SEPTIN14: variants seen among roughly 807,000 people sequenced by gnomAD.
SEPTIN14 encodes the protein septin-14.
A neutral mutation model predicts 53.6 loss-of-function variants in SEPTIN14; 40 were observed. The observed-to-expected ratio is 0.75, with a 90% CI of 0.58 to 0.97. SEPTIN14 has a LOEUF of 0.97. Ranked by LOEUF, SEPTIN14 falls within the 50% of genes least tolerant of loss-of-function variation. The probability of loss-of-function intolerance (pLI) is 0.00; values close to 1 mark genes in which losing one functional copy is unlikely to be tolerated. For synonymous variants in SEPTIN14, 138 were observed against 166.8 expected (o/e 0.83, Z 1.33); for missense variants, 471 against 508.2 (o/e 0.93, Z 0.70).
intron 2 of SEPTIN14, among the ~76,000 whole-genome samples, chr7:55,854,365 GCTTT>G (rs1789570743): frequency 6.6e-6 from 1 of 151,982 alleles, no homozygotes; most frequent in African/African-American, 2.4e-5. Flanking sequence ...ACATCTGAGT[GCTTT>G]CTTCACAAGA....
intron 7 of SEPTIN14, among the ~76,000 whole-genome samples, chr7:55,810,243 C>T (rs1562707411): frequency 6.6e-6 from 1 of 151,936 alleles, no homozygotes; most frequent in Non-Finnish European, 1.5e-5. Flanking sequence ...TTTCTTTTGC[C>T]ATTTGTATTT....
chr7:55,815,193 C>CA (rs1157006931), intron 7 of SEPTIN14, among the ~76,000 whole-genome samples: 8 of 152,114 alleles, frequency 5.3e-5, no homozygotes, highest in African/African-American at 1.9e-4. Context: ...GAAACGACTA[C>CA]AAAAAACATT....
intron 2 of SEPTIN14, among the ~76,000 whole-genome samples, chr7:55,853,901 G>A (rs1789561461): frequency 6.6e-6 from 1 of 152,080 alleles, no homozygotes; most frequent in African/African-American, 2.4e-5. Flanking sequence ...GATCGCGTGA[G>A]CTCAGGAGTT....
chr7:55,819,649 C>T (rs1343123860), intron 6 of SEPTIN14, among the ~76,000 whole-genome samples: 2 of 152,120 alleles, frequency 1.3e-5, no homozygotes, highest in Non-Finnish European at 2.9e-5. Context: ...CAGGGATCTA[C>T]CCTGCATCTC....
At chr7:55,857,198 C>T (rs762622784) in intron 2 of SEPTIN14, among the ~76,000 whole-genome samples, 3 of 150,096 alleles carry the variant, frequency 2.0e-5, no homozygotes, top group Non-Finnish European at 4.4e-5. Flanking sequence ...CATGGTGAAA[C>T]CCCGTCTCTA....
In SEPTIN14 at chr7:55,805,261, T is replaced by C. The variant is rs1321932951; in HGVS notation, c.1116A>G (p.Lys372=). The change falls in exon 9 of 10, where the codon AAA becomes AAG. Residue 372 remains lysine, a synonymous_variant. Coordinates refer to ENST00000388975, the MANE Select transcript of SEPTIN14 (RefSeq NM_207366.3). ...ATATCAAACTGTCAGTACTAACCTCTTTTTCAGCTTCTTTAAATGTTGCTT... is the reference window on the plus strand; with the variant it reads ...ATATCAAACTGTCAGTACTAACCTCCTTTTCAGCTTCTTTAAATGTTGCTT... The part of the protein sequence containing the change: ...EKEATFKEAE[K]ELQDKFEHLK... The C allele has an allele frequency of 6.2e-7, 1 of 1,611,192 alleles. No homozygotes were observed. The highest frequency in any genetic ancestry group is 1.1e-5 in the South Asian group (1 of 90,804).
In SEPTIN14 at chr7:55,795,666, T is replaced by C; in HGVS notation, c.*247A>G. The C allele has an allele frequency of 2.2e-6, 1 of 445,094 alleles. No homozygotes were observed. The highest frequency in any genetic ancestry group is 2.3e-5 in the South Asian group (1 of 43,522). The allele number at this position is 445,094 out of a possible 1,614,324, so 27.6% of individuals were successfully genotyped here. ...TATTTTTAGTAGAGGCAGGGTTTCA[T>C]CATTTTGGTCAGGCTGGTTTTGAAC... On this transcript the variant is annotated 3_prime_UTR_variant, in exon 10 of 10. Coordinates refer to ENST00000388975, the MANE Select transcript of SEPTIN14 (RefSeq NM_207366.3).
chr7:55,825,704 C>T (rs1788971007), intron 6 of SEPTIN14, among the ~76,000 whole-genome samples: 1 of 152,178 alleles, frequency 6.6e-6, no homozygotes, highest in African/African-American at 2.4e-5. Context: ...TGGTGACTCA[C>T]ACCTGTAATC....
chr7:55,814,668 AAC>A (rs1788761828), intron 7 of SEPTIN14, among the ~76,000 whole-genome samples: 1 of 152,230 alleles, frequency 6.6e-6, no homozygotes, highest in African/African-American at 2.4e-5. Flanking sequence ...AAACAATGGA[AAC>A]ACAGTTCATG....
At chr7:55,829,367 A>G (rs955814664) in intron 6 of SEPTIN14, among the ~76,000 whole-genome samples, 1 of 148,432 alleles carries the variant, frequency 6.7e-6, no homozygotes, top group Admixed American at 6.8e-5. Context: ...CAACAAAGCA[A>G]AACTCTGTCT....
chr7:55,836,604 G>A (rs529014911), intron 5 of SEPTIN14, among the ~76,000 whole-genome samples: 1 of 152,204 alleles, frequency 6.6e-6, no homozygotes, highest in Non-Finnish European at 1.5e-5. Context: ...CAGGCGTGTT[G>A]GCTCATGCCT....
At chr7:55,810,300 G>A (rs1788678610) in intron 7 of SEPTIN14, among the ~76,000 whole-genome samples, 1 of 151,432 alleles carries the variant, frequency 6.6e-6, no homozygotes, top group Non-Finnish European at 1.5e-5. Context: ...ATTTTTCCTT[G>A]TGTTATTTGT....
chr7:55,801,458 G>A (rs146247472), intron 9 of SEPTIN14, among the ~76,000 whole-genome samples: 1 of 152,218 alleles, frequency 6.6e-6, no homozygotes, highest in East Asian at 1.9e-4. Flanking sequence ...GATATCCTTG[G>A]TTAATAAATT....
intron 2 of SEPTIN14, among the ~76,000 whole-genome samples, chr7:55,856,516 C>G (rs756475387): frequency 1.3e-5 from 2 of 151,752 alleles, no homozygotes; most frequent in African/African-American, 4.8e-5. Flanking sequence ...CTCAGCCTCC[C>G]GAATAGCTGA....
In SEPTIN14 at chr7:55,846,740, A is replaced by G. The variant is rs529811987; in HGVS notation, c.55-103T>C. 1.7e-4 allele frequency: 105 copies of G among 618,828 alleles called. 2 individuals carry two copies. In the South Asian group the frequency reaches 2.2e-3, roughly 13 times the overall value. The allele number at this position is 618,828 out of a possible 1,614,324, so 38.3% of individuals were successfully genotyped here. On this transcript the variant is annotated intron_variant, in intron 2 of 9. Coordinates refer to ENST00000388975, the MANE Select transcript of SEPTIN14 (RefSeq NM_207366.3). ...ATCAAATAAATTAGAATTGATTATCATTTGCTTATCATACCTCAGACAAGA... is the reference window on the plus strand; with the variant it reads ...ATCAAATAAATTAGAATTGATTATCGTTTGCTTATCATACCTCAGACAAGA...
At chr7:55,803,192 C>A (rs894973239) in intron 9 of SEPTIN14, among the ~76,000 whole-genome samples, 1 of 152,206 alleles carries the variant, frequency 6.6e-6, no homozygotes, top group African/African-American at 2.4e-5. Context: ...CCCACCTCCA[C>A]CTCCCAAAGT....
At chr7:55,837,127 A>ATT (rs1789222282) in intron 5 of SEPTIN14, among the ~76,000 whole-genome samples, 1 of 146,974 alleles carries the variant, frequency 6.8e-6, no homozygotes, top group African/African-American at 2.5e-5. Flanking sequence ...TTTTTTTGAG[A>ATT]GAGAGAGAGA....
At chr7:55,804,652 G>A (rs753518096) in intron 9 of SEPTIN14, among the ~76,000 whole-genome samples, 5 of 152,088 alleles carry the variant, frequency 3.3e-5, no homozygotes, top group African/African-American at 7.2e-5. Flanking sequence ...GAAAAAGGAA[G>A]TTTATGTTCC....
intron 7 of SEPTIN14, among the ~76,000 whole-genome samples, chr7:55,817,737 T>G (rs1445335960): frequency 6.6e-6 from 1 of 152,152 alleles, no homozygotes; most frequent in Non-Finnish European, 1.5e-5. Flanking sequence ...CCCAAAGTGC[T>G]GGGATTACAG....
Sources: allele counts gnomAD v4.1 joint callset (sites outside exome capture counted in the v4.1 genomes callset), GRCh38; gene constraint gnomAD v4.1.1; transcripts MANE v1.5; gene names NCBI Gene and HGNC (gene_info 2026-07-23, HGNC 2026-07-21).